Variants in PCDHGA5 observed in about 807,000 individuals in gnomAD.
PCDHGA5 encodes protocadherin gamma subfamily A, 5.
PCDHGA5 carries 36 observed loss-of-function variants against 56.7 expected under a neutral mutation model. That is an observed-to-expected ratio of 0.64 (90% CI 0.49 to 0.84). PCDHGA5 has a LOEUF of 0.84. Ranked by LOEUF, PCDHGA5 falls within the 40% of genes least tolerant of loss-of-function variation. The pLI is 0.00. For synonymous variants in PCDHGA5, 563 were observed against 520.2 expected (o/e 1.08, Z -1.12); for missense variants, 1,305 against 1,201.5 (o/e 1.09, Z -1.27).
intron 1 of PCDHGA5, among the ~76,000 whole-genome samples, chr5:141,456,584 A>G (rs990911693): frequency 6.6e-6 from 1 of 152,212 alleles, no homozygotes; most frequent in Non-Finnish European, 1.5e-5. Flanking sequence ...TGAGCCTGTC[A>G]ATAATTTTGA....
intron 1 of PCDHGA5, chr5:141,400,209 G>C: frequency 3.1e-6 from 5 of 1,614,052 alleles, no homozygotes; most frequent in Non-Finnish European, 4.2e-6. Context: ...CCTTGGCCTT[G>C]ATCTCAGTGC....
chr5:141,413,042 G>T, intron 1 of PCDHGA5: 1 of 857,566 alleles, frequency 1.2e-6, no homozygotes, highest in Non-Finnish European at 1.7e-6. Context: ...CTGCTGGGCT[G>T]CAGGGAAGCT....
rs1051262701 is a variant in PCDHGA5 at position 141,364,288 on chromosome 5, A to G, written c.-43A>G. 5.9e-6 allele frequency: 9 copies of G among 1,517,572 alleles called. No individual in the cohort carries two copies. The highest frequency in any genetic ancestry group is 7.9e-6 in the Non-Finnish European group (9 of 1,135,350). The allele number at this position is 1,517,572 out of a possible 1,614,324, so 94.0% of individuals were successfully genotyped here. A position where few individuals can be genotyped will look rare whatever the true frequency, so the allele number is the denominator to read the frequency against. ...GGCTTTAGATAAATAAGGAAACAGC[A>G]GGCTGAACCAGAACTAAGAGAAAAT... is the stretch of plus-strand genomic sequence containing the variant. On this transcript the variant is annotated 5_prime_UTR_variant, in exon 1 of 4. Coordinates refer to ENST00000518069, the MANE Select transcript of PCDHGA5 (RefSeq NM_018918.3).
At chr5:141,372,139 C>A (rs2149999954) in intron 1 of PCDHGA5, 1 of 1,613,756 alleles carries the variant, frequency 6.2e-7, no homozygotes, top group African/African-American at 1.3e-5. Flanking sequence ...CCGCGCTCTG[C>A]AGAGCCTGGC....
At position 141,490,807 on chromosome 5, in the gene PCDHGA5, G is replaced by T. The variant is rs1315856354; in HGVS notation, c.2422-4000G>T. Reference sequence around the variant, plus strand: ...ACGGATCTTTGCCCAGCGTACCTTTGACTATGAATTGCTGCAGATGCTGCA... The same window carrying T: ...ACGGATCTTTGCCCAGCGTACCTTTTACTATGAATTGCTGCAGATGCTGCA... On this transcript the variant is annotated intron_variant, in intron 1 of 3. Transcript: ENST00000518069. This position sits in a 1 kb window ranked among gnomAD's most constrained non-coding sequence, Gnocchi z 5.4. 6.2e-7 allele frequency: 1 copy of T among 1,613,924 alleles called. No individual in the cohort carries two copies. The highest frequency in any genetic ancestry group is 8.5e-7 in the Non-Finnish European group (1 of 1,179,870).
At chr5:141,457,318 C>T (rs990268003) in intron 1 of PCDHGA5, among the ~76,000 whole-genome samples, 3 of 152,238 alleles carry the variant, frequency 2.0e-5, no homozygotes, top group South Asian at 2.1e-4. Context: ...AAGAAACCTC[C>T]GGGTTACAGG....
chr5:141,393,879 G>A, intron 1 of PCDHGA5: 1 of 1,614,010 alleles, frequency 6.2e-7, no homozygotes, highest in Non-Finnish European at 8.5e-7. Context: ...GTTTAGCCCA[G>A]TGTTAGAAAA....
At chr5:141,390,867 C>CATGT in intron 1 of PCDHGA5, 1 of 151,040 alleles carries the variant, frequency 6.6e-6, no homozygotes, top group East Asian at 1.9e-4. Flanking sequence ...GCTGTGTGTG[C>CATGT]GTGTGTGTGT....
chr5:141,404,517 A>G lies in PCDHGA5; in HGVS notation c.2421+37766A>G, dbSNP rs1268035794. On this transcript the variant is annotated intron_variant, in intron 1 of 3. Transcript: ENST00000518069. The stretch of plus-strand genomic sequence containing the variant: ...CTGTATGCTCTGTGCTCCTTTGACT[A>G]TGAGCAGTTTAGAGATTTGCAAATG... 5 of 1,613,938 alleles carry G rather than the reference A, an allele frequency of 3.1e-6. No homozygotes were observed. Among genetic ancestry groups the G allele is most frequent in the Non-Finnish European group, 3.4e-6 (4 of 1,179,844 alleles).
chr5:141,454,865 TG>T (rs2098805228), intron 1 of PCDHGA5, among the ~76,000 whole-genome samples: 1 of 135,344 alleles, frequency 7.4e-6, no homozygotes, highest in Non-Finnish European at 1.5e-5. Flanking sequence ...TGGAGTGCAG[TG>T]GCACGATCTT....
chr5:141,421,291 G>C, intron 1 of PCDHGA5: 1 of 1,613,364 alleles, frequency 6.2e-7, no homozygotes, highest in Middle Eastern at 1.6e-4. Context: ...CATTTTCCTG[G>C]GGACGCTGCG....
Position 141,476,708 on chromosome 5 carries a change from T to C in PCDHGA5, c.2422-18099T>C, listed in dbSNP as rs1205987380. The C allele has an allele frequency of 1.2e-6, 2 of 1,614,150 alleles. No homozygotes were observed. The highest frequency in any genetic ancestry group is 8.5e-7 in the Non-Finnish European group (1 of 1,180,024). ...CAGCACCAAGTACGCGGAGCTGGTG[T>C]TGGAGCGCGCCCTGGACCGAGAACG... On this transcript the variant is annotated intron_variant, in intron 1 of 3. Coordinates refer to ENST00000518069, the MANE Select transcript of PCDHGA5 (RefSeq NM_018918.3). The surrounding 1 kb of genome is among the most constrained non-coding windows in gnomAD (Gnocchi z 7.6).
intron 1 of PCDHGA5, chr5:141,385,078 G>C (rs755613540): frequency 6.2e-7 from 1 of 1,614,222 alleles, no homozygotes. Context: ...CCTGCTGCAG[G>C]CTTCAGAAGG....
chr5:141,425,795 T>A (rs2096894407), intron 1 of PCDHGA5, among the ~76,000 whole-genome samples: 1 of 152,244 alleles, frequency 6.6e-6, no homozygotes, highest in Non-Finnish European at 1.5e-5. Flanking sequence ...TTCCAATATG[T>A]GCATTGCTTC....
At chr5:141,376,143 C>T (rs968258270) in intron 1 of PCDHGA5, 3 of 1,613,858 alleles carry the variant, frequency 1.9e-6, no homozygotes, top group East Asian at 2.2e-5. Flanking sequence ...CCCAACGATT[C>T]GGACCTCACT....
chr5:141,399,198 G>T (rs1370289172), intron 1 of PCDHGA5: 1 of 1,613,816 alleles, frequency 6.2e-7, no homozygotes, highest in African/African-American at 1.3e-5. Context: ...AAAACGCGGT[G>T]CCTGGAACAC....
Position 141,499,370 on chromosome 5 carries a change from A to T in PCDHGA5, c.2480+4505A>T, listed in dbSNP as rs546430948. ...CATTCAACAAACAAATAGCAACTTA[A>T]TTTTTTTCCACTTATAAAATAGTAC... On this transcript the variant is annotated intron_variant, in intron 2 of 3. Coordinates refer to ENST00000518069, the MANE Select transcript of PCDHGA5 (RefSeq NM_018918.3). 2.0e-3 allele frequency among the ~76,000 whole-genome samples: 300 copies of T among 152,286 alleles called. 1 individual carries two copies. The highest frequency in any genetic ancestry group is 2.7e-3 in the Non-Finnish European group (184 of 68,028).
At chr5:141,465,644 A>G (rs1320011410) in intron 1 of PCDHGA5, among the ~76,000 whole-genome samples, 2 of 152,186 alleles carry the variant, frequency 1.3e-5, no homozygotes, top group African/African-American at 4.8e-5. Context: ...TGCTTTGAAC[A>G]TCCCAAAAAA....
intron 1 of PCDHGA5, chr5:141,417,676 C>A (rs902104404): frequency 4.0e-6 from 4 of 993,448 alleles, no homozygotes; most frequent in Middle Eastern, 3.3e-4. Flanking sequence ...GCGCAGCCAA[C>A]AACAGAAAAG....
Sources: allele counts gnomAD v4.1 joint callset (sites outside exome capture counted in the v4.1 genomes callset), GRCh38; gene constraint gnomAD v4.1.1; non-coding constraint Gnocchi (gnomAD v3.1); transcripts MANE v1.5; gene names NCBI Gene and HGNC (gene_info 2026-07-23, HGNC 2026-07-21).